Variants in RAB3B observed in about 807,000 individuals in gnomAD.
RAB3B encodes the protein ras-related protein Rab-3B.
In RAB3B, 11 loss-of-function variants were observed where a neutral mutation model predicts 20.5. The observed-to-expected ratio is 0.54, with a 90% CI of 0.34 to 0.89. RAB3B has a LOEUF of 0.89. RAB3B is among the 40% of genes least tolerant of loss of function. The pLI is 0.02. For synonymous variants in RAB3B, 99 were observed against 106.3 expected (o/e 0.93, Z 0.42); for missense variants, 225 against 280.9 (o/e 0.80, Z 1.42).
chr1:51,974,853 G>A (rs1401962971), intron 2 of RAB3B, among the ~76,000 whole-genome samples: 1 of 152,216 alleles, frequency 6.6e-6, no homozygotes, highest in African/African-American at 2.4e-5. Flanking sequence ...CATACAGACT[G>A]CCCCAATAAG....
intron 3 of RAB3B, among the ~76,000 whole-genome samples, chr1:51,933,834 C>T (rs1228867811): frequency 1.3e-5 from 2 of 152,132 alleles, no homozygotes; most frequent in African/African-American, 4.8e-5. Flanking sequence ...CCTCCTATGA[C>T]AAAAAGAAAA....
chr1:51,962,032 A>G (rs1022980756), intron 2 of RAB3B, among the ~76,000 whole-genome samples: 1 of 152,204 alleles, frequency 6.6e-6, no homozygotes, highest in African/African-American at 2.4e-5. Flanking sequence ...TTGGCCTCCC[A>G]AAGTGCTGGG....
intron 2 of RAB3B, among the ~76,000 whole-genome samples, chr1:51,938,561 T>C (rs1684444322): frequency 6.6e-6 from 1 of 152,178 alleles, no homozygotes. Flanking sequence ...GTGTGATGTA[T>C]TAGTTTTATA....
rs61780723 is a variant in RAB3B, at chr1:51,928,185, C to T, written c.472+5133G>A. On this transcript the variant is annotated intron_variant, in intron 4 of 4. Transcript: ENST00000371655. ...GCAATGGTGCGATCTCTGCTCACCG[C>T]AACCTCCGCCTCCCCGGTTCAGGCG... 9.9e-5 allele frequency among the ~76,000 whole-genome samples: 15 copies of T among 152,282 alleles called. No individual in the cohort carries two copies. In the South Asian group the frequency reaches 3.1e-3, roughly 32 times the overall value.
intron 2 of RAB3B, among the ~76,000 whole-genome samples, chr1:51,943,543 G>A (rs1213932079): frequency 2.0e-5 from 3 of 152,194 alleles, no homozygotes; most frequent in Admixed American, 6.5e-5. Flanking sequence ...GAGATGGGCC[G>A]AAAGCTAGGC....
chr1:51,979,550 C>T (rs569032513), intron 1 of RAB3B, among the ~76,000 whole-genome samples: 13 of 151,818 alleles, frequency 8.6e-5, no homozygotes, highest in African/African-American at 2.9e-4. Flanking sequence ...GGATTACAGG[C>T]GTGAGCCACC....
At position 51,912,542 on chromosome 1, in the gene RAB3B, T is replaced by TAAAAAAAAAAAAA. The variant is rs61590258; in HGVS notation, c.*7372_*7384dup. The TAAAAAAAAAAAAA allele has an allele frequency of 1.4e-3, 9 of 6,388 alleles. 4 individuals carry two copies. Among genetic ancestry groups the TAAAAAAAAAAAAA allele is most frequent in the African/African-American group, 2.4e-3 (3 of 1,256 alleles). The allele number at this position is 6,388 out of a possible 1,614,324, so 0.4% of individuals were successfully genotyped here. ...GGCAACATAGCAAGACCGTCTCTAT[T>TAAAAAAAAAAAAA]AAAAAAAAAAAAATATATATATATA... is the stretch of plus-strand genomic sequence containing the variant. On this transcript the variant is annotated 3_prime_UTR_variant, in exon 5 of 5. Transcript: ENST00000371655.
chr1:51,937,098 G>T (rs186938318), intron 3 of RAB3B, among the ~76,000 whole-genome samples, 196 bp downstream of exon 3: 2 of 152,294 alleles, frequency 1.3e-5, no homozygotes, highest in Non-Finnish European at 2.9e-5. Flanking sequence ...ACAGGCGTGA[G>T]CCACTGCACC....
At chr1:51,933,549 A>G in intron 3 of RAB3B, 107 bp from the exon 4 acceptor site, 1 of 1,089,146 alleles carries the variant, frequency 9.2e-7, no homozygotes, top group Admixed American at 2.3e-5. Flanking sequence ...ATGTAATGGT[A>G]TTTGGAGGTG....
chr1:51,986,165 T>G (rs1261203080), intron 1 of RAB3B, among the ~76,000 whole-genome samples: 2 of 150,526 alleles, frequency 1.3e-5, no homozygotes, highest in African/African-American at 2.5e-5. Flanking sequence ...TTTTTTTTTT[T>G]TTTGAGGCAG....
intron 2 of RAB3B, among the ~76,000 whole-genome samples, chr1:51,972,044 G>A (rs978894762): frequency 2.6e-5 from 4 of 152,138 alleles, no homozygotes; most frequent in Non-Finnish European, 5.9e-5. Flanking sequence ...AGCCAGGCGT[G>A]GTGGTGTACG....
intron 1 of RAB3B, among the ~76,000 whole-genome samples, chr1:51,984,137 G>A (rs1285059685): frequency 6.0e-5 from 9 of 150,488 alleles, no homozygotes; most frequent in South Asian, 2.1e-4. Context: ...GGTGGTGGCT[G>A]CCTGTAATCC....
At chr1:51,954,311 T>A (rs1242035007) in intron 2 of RAB3B, among the ~76,000 whole-genome samples, 1 of 152,244 alleles carries the variant, frequency 6.6e-6, no homozygotes, top group Non-Finnish European at 1.5e-5. Context: ...ATGCTATGTT[T>A]AATAAAATTG....
intron 1 of RAB3B, among the ~76,000 whole-genome samples, chr1:51,984,463 T>A (rs1685128325): frequency 6.9e-6 from 1 of 144,682 alleles, no homozygotes. Context: ...CAATCTTGGC[T>A]CACTGCAACC....
chr1:51,985,672 C>T (rs1571983347), intron 1 of RAB3B, among the ~76,000 whole-genome samples: 1 of 151,942 alleles, frequency 6.6e-6, no homozygotes, highest in African/African-American at 2.4e-5. Flanking sequence ...AATAAGAGAA[C>T]GTATATAAGT....
At chr1:51,940,214 C>G (rs1395576678) in intron 2 of RAB3B, among the ~76,000 whole-genome samples, 3 of 152,180 alleles carry the variant, frequency 2.0e-5, no homozygotes. Context: ...GAACAACCAC[C>G]ACCCCTGCCC....
chr1:51,986,664 C>G (rs1317240339), intron 1 of RAB3B, among the ~76,000 whole-genome samples: 3 of 152,138 alleles, frequency 2.0e-5, no homozygotes, highest in South Asian at 4.1e-4. Context: ...GAGTGTCCTG[C>G]TACCGTACTG....
intron 2 of RAB3B, among the ~76,000 whole-genome samples, chr1:51,968,211 G>C (rs1684882644): frequency 6.6e-6 from 1 of 152,150 alleles, no homozygotes; most frequent in South Asian, 2.1e-4. Flanking sequence ...TTTTAACCCA[G>C]TGAGACCCAC....
intron 1 of RAB3B, among the ~76,000 whole-genome samples, chr1:51,978,197 T>C (rs1325389413): frequency 6.6e-6 from 1 of 152,214 alleles, no homozygotes; most frequent in East Asian, 1.9e-4. Context: ...CATTCCTACA[T>C]GTCTGGCTTC....
Sources: gnomAD v4.1 joint callset for allele counts (sites outside exome capture counted in the v4.1 genomes callset) on GRCh38, gnomAD v4.1.1 for gene constraint, MANE v1.5 for transcripts, NCBI Gene and HGNC (gene_info 2026-07-23, HGNC 2026-07-21) for gene names.